The following KIF4A variants were observed in gnomAD, a reference collection of about 807,000 sequenced individuals.
KIF4A encodes chromosome-associated kinesin KIF4A.
KIF4A carries 7 observed loss-of-function variants against 105.9 expected under a neutral mutation model. The ratio of observed to expected loss-of-function variants is 0.07; its 90% CI spans 0.04 to 0.12. The LOEUF is 0.12. Ranked by LOEUF, KIF4A falls within the 10% of genes least tolerant of loss-of-function variation. The probability of loss-of-function intolerance (pLI) is 1.00; values close to 1 mark genes in which losing one functional copy is unlikely to be tolerated. For missense variants in KIF4A, 558 were observed against 929.2 expected (o/e 0.60, Z 5.19); for synonymous variants, 281 against 331.3 (o/e 0.85, Z 1.65).
At chrX:70,350,222 C>T (rs2086023255) in intron 13 of KIF4A, among the ~76,000 whole-genome samples, 2 of 111,195 alleles carry the variant, frequency 1.8e-5, no homozygotes, top group South Asian at 7.6e-4. Flanking sequence ...AGCGAGACTC[C>T]GTCTGCAATC....
At chrX:70,323,486 A>G (rs1027903857) in intron 7 of KIF4A, among the ~76,000 whole-genome samples, 1 of 110,900 alleles carries the variant, frequency 9.0e-6, no homozygotes, top group African/African-American at 3.3e-5. Context: ...TCCTACTAAT[A>G]TTTCAATTCA....
chrX:70,387,345 GA>G, intron 20 of KIF4A, 48 bp downstream of exon 20: 1 of 894,300 alleles, frequency 1.1e-6, no homozygotes, highest in Non-Finnish European at 1.5e-6. Context: ...CTGGGAACAG[GA>G]AAAAAGGAGA....
intron 13 of KIF4A, among the ~76,000 whole-genome samples, chrX:70,345,703 C>T (rs1427758760): frequency 1.8e-5 from 2 of 111,356 alleles, no homozygotes; most frequent in African/African-American, 6.5e-5. Flanking sequence ...TATACTGATG[C>T]AATCCTATCC....
chrX:70,309,190 T>C (rs2085839399), intron 7 of KIF4A, among the ~76,000 whole-genome samples: 1 of 112,228 alleles, frequency 8.9e-6, no homozygotes, highest in Non-Finnish European at 1.9e-5. Flanking sequence ...AATGTCTGCC[T>C]CTTTATCCAC....
chrX:70,329,349 A>T (rs1174409112), intron 7 of KIF4A, 56 bp from the exon 8 acceptor site: 3 of 989,798 alleles, frequency 3.0e-6, no homozygotes, highest in Non-Finnish European at 4.2e-6. Context: ...CAGAAGAAAC[A>T]TAGGTATATG....
intron 27 of KIF4A, 35 bp from the exon 28 acceptor site, chrX:70,406,858 T>C (rs373869204): frequency 7.6e-6 from 9 of 1,185,070 alleles, no homozygotes; most frequent in Non-Finnish European, 1.0e-5. Context: ...TAGTTTTTAT[T>C]AAATAACTAA....
chrX:70,290,966 C>G (rs1602734282), intron 3 of KIF4A, among the ~76,000 whole-genome samples, 161 bp downstream of exon 3: 1 of 111,491 alleles, frequency 9.0e-6, no homozygotes, highest in African/African-American at 3.3e-5. Flanking sequence ...GTCTCTGTAC[C>G]CTTGAAGCTA....
chrX:70,341,787 A>G lies in KIF4A; in HGVS notation c.1134-12A>G. ...CAGATATTTTTCTAATATGTTATTT[A>G]CTTTGTTTTAGTGTGGAACCATCAG... On this transcript the variant is annotated splice_polypyrimidine_tract_variant and intron_variant, in intron 10 of 30. Coordinates refer to ENST00000374403, the MANE Select transcript of KIF4A (RefSeq NM_012310.5). 8.3e-7 allele frequency: 1 copy of G among 1,199,857 alleles called. No homozygotes were observed. The highest frequency in any genetic ancestry group is 1.8e-5 in the South Asian group (1 of 55,447).
chrX:70,372,023 C>T (rs1254001300), intron 15 of KIF4A, among the ~76,000 whole-genome samples: 11 of 103,356 alleles, frequency 1.1e-4, no homozygotes, highest in African/African-American at 2.8e-4. Context: ...AGGGCAGAGG[C>T]GCTCCCCACA....
chrX:70,394,164 C>A (rs1882381287), intron 20 of KIF4A, among the ~76,000 whole-genome samples: 1 of 107,631 alleles, frequency 9.3e-6, no homozygotes, highest in African/African-American at 3.4e-5. Flanking sequence ...CCACACCCAG[C>A]CAAGGTGTGG....
chrX:70,330,579 G>T (rs186011817), intron 9 of KIF4A, among the ~76,000 whole-genome samples: 1 of 111,695 alleles, frequency 9.0e-6, no homozygotes, highest in East Asian at 2.8e-4. Context: ...GTAGACAGGG[G>T]CTAAATTCTG....
intron 7 of KIF4A, among the ~76,000 whole-genome samples, chrX:70,321,327 G>A (rs767625153): frequency 8.9e-6 from 1 of 112,367 alleles, no homozygotes; most frequent in South Asian, 3.7e-4. Flanking sequence ...CAACTTAAGT[G>A]TTGGGGTTTT....
intron 15 of KIF4A, among the ~76,000 whole-genome samples, chrX:70,373,523 T>TA (rs200079660): frequency 0.085 from 446 of 5,218 alleles, 136 homozygotes; most frequent in Non-Finnish European, 0.092. Flanking sequence ...TGTGTGTGTA[T>TA]GTATATATAT....
Position 70,386,664 on chromosome X carries a change from A to G in KIF4A, c.2081A>G (p.Gln694Arg), listed in dbSNP as rs757192416. The G allele has an allele frequency of 2.5e-6, 3 of 1,210,055 alleles. No homozygotes were observed. Among genetic ancestry groups the G allele is most frequent in the Non-Finnish European group, 3.4e-6 (3 of 893,768 alleles). ...CTGCTGAAACTTGAAAGAAACTTCC[A>G]GAAACAATCCAATGTGCTCAGACGT... ...YELLKLERNF[Q>R]KQSNVLRRKT... Residue 694 changes from glutamine to arginine, a missense_variant, in exon 19 of 31, where the codon CAG (glutamine) becomes CGG (arginine). Coordinates refer to ENST00000374403, the MANE Select transcript of KIF4A (RefSeq NM_012310.5).
At position 70,323,549 on chromosome X, in the gene KIF4A, C is replaced by T. The variant is rs182004194; in HGVS notation, c.779-5856C>T. Reference sequence around the variant, plus strand: ...CCTCTGCTCTTGGTCAAGATCTTTCCATAAATTCATGCTCACATAGTGGGT... The same window carrying T: ...CCTCTGCTCTTGGTCAAGATCTTTCTATAAATTCATGCTCACATAGTGGGT... On this transcript the variant is annotated intron_variant, in intron 7 of 30. Transcript: ENST00000374403. Among the ~76,000 whole-genome samples, 32 of 111,421 alleles carry T rather than the reference C, an allele frequency of 2.9e-4. No homozygotes were observed. In the East Asian group the frequency reaches 9.1e-3, roughly 32 times the overall value.
At chrX:70,401,050 A>T (rs1461081722) in intron 22 of KIF4A, among the ~76,000 whole-genome samples, 1 of 103,233 alleles carries the variant, frequency 9.7e-6, no homozygotes, top group African/African-American at 3.6e-5. Flanking sequence ...TACGGGAGTG[A>T]GCCACCGCGC....
At chrX:70,388,440 G>A (rs1234631607) in intron 20 of KIF4A, among the ~76,000 whole-genome samples, 1 of 111,411 alleles carries the variant, frequency 9.0e-6, no homozygotes, top group African/African-American at 3.3e-5. Flanking sequence ...TATGGTTGGT[G>A]TATGTTTTAA....
intron 13 of KIF4A, among the ~76,000 whole-genome samples, chrX:70,348,813 C>A (rs1053690030): frequency 3.6e-5 from 4 of 112,193 alleles, no homozygotes; most frequent in African/African-American, 1.3e-4. Context: ...TCCCCCTCTT[C>A]TTTTCGACAA....
Position 70,349,181 on chromosome X carries a change from C to T in KIF4A, c.1432-3419C>T, listed in dbSNP as rs1275002819. 4.0e-5 allele frequency among the ~76,000 whole-genome samples: 4 copies of T among 101,028 alleles called. No individual in the cohort carries two copies. The East Asian group carries it at 1.3e-3, about 33-fold the overall frequency. 87.7% of individuals were successfully genotyped at this position (101,028 alleles called of 115,157 possible). ...GATGGGCGGCCGGGCAGAGGCACTC[C>T]TCACTTCCCAGAGGGGGCGGCCGGG... On this transcript the variant is annotated intron_variant, in intron 13 of 30. Coordinates refer to ENST00000374403, the MANE Select transcript of KIF4A (RefSeq NM_012310.5).
Sources: allele counts gnomAD v4.1 joint callset (sites outside exome capture counted in the v4.1 genomes callset), GRCh38; gene constraint gnomAD v4.1.1; transcripts MANE v1.5; gene names NCBI Gene and HGNC (gene_info 2026-07-23, HGNC 2026-07-21).